SGCD: variants seen among roughly 807,000 people sequenced by gnomAD.
SGCD encodes sarcoglycan delta.
Under a neutral mutation model 36.6 loss-of-function variants are expected in SGCD, and 18 were observed. That is an observed-to-expected ratio of 0.49 (90% CI 0.34 to 0.73). SGCD has a LOEUF of 0.73. Ranked by LOEUF, SGCD falls within the 30% of genes least tolerant of loss-of-function variation. The pLI is 0.01. For synonymous variants in SGCD, 133 were observed against 130.6 expected (o/e 1.02, Z -0.12); for missense variants, 387 against 346.7 (o/e 1.12, Z -0.92).
At chr5:156,045,440 T>G (rs1759740453) in intron 1 of SGCD, among the ~76,000 whole-genome samples, 1 of 152,186 alleles carries the variant, frequency 6.6e-6, no homozygotes. Flanking sequence ...TTTTGCCAAT[T>G]AATTCAGAAA....
At chr5:155,978,073 A>G (rs563077689) in intron 1 of SGCD, among the ~76,000 whole-genome samples, 3 of 151,832 alleles carry the variant, frequency 2.0e-5, no homozygotes, top group South Asian at 4.2e-4. Context: ...CAGCCTGGAG[A>G]CAGAGCAAGA....
At chr5:155,968,977 G>T (rs572640794) in intron 1 of SGCD, among the ~76,000 whole-genome samples, 2 of 152,140 alleles carry the variant, frequency 1.3e-5, no homozygotes, top group South Asian at 4.1e-4. Context: ...ATATTTTGTA[G>T]ATCTATCCAC....
In SGCD at chr5:156,057,742, A is replaced by G. The variant is rs1027794558; in HGVS notation, c.-281-60136A>G. 2.7e-5 allele frequency among the ~76,000 whole-genome samples: 4 copies of G among 146,338 alleles called. No individual in the cohort carries two copies. The South Asian group carries it at 6.5e-4, about 24-fold the overall frequency. On this transcript the variant is annotated intron_variant, in intron 1 of 9. Coordinates refer to the SGCD transcript ENST00000517913. ...AAGTGAAACTGTCTCCTGCTGGCCA[A>G]TGATGGAAGGATTTGGGCACTAACA...
Position 156,544,453 on chromosome 5 carries a change from C to T in SGCD, c.294+35751C>T, listed in dbSNP as rs111559242. ...AAATTATGTGAGAATTGCCACTCAGCCATAAGCTCCAACTCCTAGCCCACT... is the reference window on the plus strand; with the variant it reads ...AAATTATGTGAGAATTGCCACTCAGTCATAAGCTCCAACTCCTAGCCCACT... On this transcript the variant is annotated intron_variant, in intron 4 of 8. Coordinates refer to ENST00000337851, the MANE Select transcript of SGCD (RefSeq NM_000337.6). 2.6e-5 allele frequency among the ~76,000 whole-genome samples: 4 copies of T among 152,188 alleles called. No homozygotes were observed. In the South Asian group the frequency reaches 8.3e-4, roughly 32 times the overall value.
the SGCD span, among the ~76,000 whole-genome samples, chr5:155,857,992 T>G: frequency 2.0e-5 from 3 of 152,230 alleles, no homozygotes; most frequent in Admixed American, 6.5e-5. Flanking sequence ...ATTTTTTTGG[T>G]TGAATGCTTT....
chr5:155,916,250 A>G (rs970924492), intron 1 of SGCD, among the ~76,000 whole-genome samples: 6 of 152,142 alleles, frequency 3.9e-5, no homozygotes, highest in Non-Finnish European at 7.4e-5. Context: ...TGAAAAATTT[A>G]ATTATTTGTA....
chr5:156,351,912 T>G (rs112264541), intron 3 of SGCD, among the ~76,000 whole-genome samples: 3,214 of 152,220 alleles, frequency 0.021, 119 homozygotes, highest in African/African-American at 0.074. Flanking sequence ...GAAACTGGAT[T>G]CCCAGCCCTA....
the SGCD span, among the ~76,000 whole-genome samples, chr5:155,783,125 G>C: frequency 3.9e-5 from 6 of 152,136 alleles, no homozygotes; most frequent in Non-Finnish European, 8.8e-5. Context: ...CTATTTTTCT[G>C]AAGCAACTTG....
chr5:155,742,129 T>G, the SGCD span, among the ~76,000 whole-genome samples: 1 of 152,148 alleles, frequency 6.6e-6, no homozygotes, highest in Admixed American at 6.5e-5. Flanking sequence ...ACTTGGGAAG[T>G]TTTACAGAAA....
At chr5:156,275,033 G>A (rs1766281046) in intron 3 of SGCD, among the ~76,000 whole-genome samples, 1 of 152,104 alleles carries the variant, frequency 6.6e-6, no homozygotes, top group East Asian at 1.9e-4. Context: ...TCTTTAGGTG[G>A]GAGAAATGTT....
intron 6 of SGCD, among the ~76,000 whole-genome samples, chr5:156,634,756 C>T (rs1762762856): frequency 6.6e-6 from 1 of 152,120 alleles, no homozygotes. Flanking sequence ...ACAAAGAGTA[C>T]ATTTTCCTTT....
rs567604089 is a variant in SGCD, at chr5:156,379,110, A to G, written c.192+34433A>G. 7.3e-4 allele frequency among the ~76,000 whole-genome samples: 111 copies of G among 152,308 alleles called. 1 individual carries two copies. The highest frequency in any genetic ancestry group is 2.6e-3 in the African/African-American group (107 of 41,570). ...GTACCTATCAGATGCCAATTATTCT[A>G]GGTTCCAAAGATGCAAAATAAAAAT... is the stretch of plus-strand genomic sequence containing the variant. On this transcript the variant is annotated intron_variant, in intron 3 of 8. Transcript: ENST00000337851.
At chr5:156,357,879 C>A (rs910423083) in intron 3 of SGCD, among the ~76,000 whole-genome samples, 2 of 152,098 alleles carry the variant, frequency 1.3e-5, no homozygotes, top group African/African-American at 4.8e-5. Context: ...GGTCAACCCC[C>A]CAACTTTAGA....
At chr5:155,830,233 A>G in the SGCD span, among the ~76,000 whole-genome samples, 4 of 152,226 alleles carry the variant, frequency 2.6e-5, no homozygotes, top group African/African-American at 7.2e-5. Context: ...ATTTCAAGAT[A>G]AAAGTGCCAG....
At chr5:155,756,799 C>T in the SGCD span, among the ~76,000 whole-genome samples, 2 of 152,158 alleles carry the variant, frequency 1.3e-5, no homozygotes, top group African/African-American at 4.8e-5. Flanking sequence ...ATCACCTGCA[C>T]CACAAATAGT....
chr5:156,543,457 C>G (rs1343074914), intron 4 of SGCD, among the ~76,000 whole-genome samples: 2 of 152,156 alleles, frequency 1.3e-5, no homozygotes, highest in Admixed American at 6.6e-5. Flanking sequence ...AGTCTGGAGA[C>G]CTCAGGCAGT....
chr5:156,304,020 C>T (rs1340060131), intron 3 of SGCD, among the ~76,000 whole-genome samples: 1 of 152,070 alleles, frequency 6.6e-6, no homozygotes, highest in East Asian at 1.9e-4. Flanking sequence ...CTGAGCTCAG[C>T]AGAGCACCAG....
At chr5:155,728,858 C>T in the SGCD span, among the ~76,000 whole-genome samples, 1 of 152,224 alleles carries the variant, frequency 6.6e-6, no homozygotes, top group African/African-American at 2.4e-5. Context: ...ATCGACTGCC[C>T]TCAGCTGCCC....
chr5:156,053,778 A>G (rs78652930), intron 1 of SGCD, among the ~76,000 whole-genome samples: 1 of 146,578 alleles, frequency 6.8e-6, no homozygotes, highest in Non-Finnish European at 1.5e-5. Context: ...GGTAGTTATA[A>G]ACAACAGAAA....
Sources: gnomAD v4.1 joint callset for allele counts (sites outside exome capture counted in the v4.1 genomes callset) on GRCh38, gnomAD v4.1.1 for gene constraint, MANE v1.5 for transcripts, NCBI Gene and HGNC (gene_info 2026-07-23, HGNC 2026-07-21) for gene names.